The following TFR2 variants were observed in gnomAD, a reference collection of about 807,000 sequenced individuals.
The protein encoded by TFR2 is transferrin receptor 2.
Under a neutral mutation model 91.9 loss-of-function variants are expected in TFR2, and 64 were observed. The observed-to-expected ratio is 0.70, with a 90% CI of 0.57 to 0.86. TFR2 has a LOEUF of 0.86. Among genes scored for constraint, TFR2 ranks in the 40% least tolerant of loss-of-function variants. The pLI is 0.00. For missense variants in TFR2, 950 were observed against 1,080.5 expected, an observed-to-expected ratio of 0.88 and a Z score of 1.69; for synonymous variants, 454 against 459.6, an observed-to-expected ratio of 0.99 and a Z score of 0.15.
intron 3 of TFR2, 22 bp downstream of exon 3, chr7:100,640,664 G>T (rs770880525): frequency 2.5e-6 from 4 of 1,609,400 alleles, no homozygotes; most frequent in Non-Finnish European, 3.4e-6. Flanking sequence ...TCGAGAACAG[G>T]ATGGGGCAGG....
rs775699529 is a variant in TFR2, at chr7:100,640,882, G to A, written c.287-10C>T. 6.2e-7 allele frequency: 1 copy of A among 1,613,970 alleles called. No individual in the cohort carries two copies. The highest frequency in any genetic ancestry group is 1.1e-5 in the South Asian group (1 of 91,068). ...TAGCCCAGTAGGAAGGCTGGCGGGT[G>A]GCAAGATGGGGATTCTCTTTATGCC... On this transcript the variant is annotated splice_polypyrimidine_tract_variant and intron_variant, in intron 2 of 17. Transcript: ENST00000223051.
chr7:100,627,658 G>T lies in TFR2; in HGVS notation c.1686C>A (p.Ile562=), dbSNP rs2131312496. 1 of 1,614,130 alleles carries T rather than the reference G, an allele frequency of 6.2e-7. No homozygotes were observed. Among genetic ancestry groups the T allele is most frequent in the South Asian group, 1.1e-5 (1 of 91,084 alleles). The change falls in exon 15 of 18, where the codon ATC becomes ATA. Residue 562 remains isoleucine (I), a synonymous_variant. Coordinates refer to ENST00000223051, the MANE Select transcript of TFR2 (RefSeq NM_003227.4). ...CACTGCTGTCCATGGGTAGGGGCCG[G>T]ATCCTGGGGGCAGGTGGGTTGGAGC... ...FTNPSWDAEV[I]RPLPMDSSAY...
chr7:100,626,656 T>G, intron 17 of TFR2, 107 bp downstream of exon 17: 1 of 1,503,882 alleles, frequency 6.6e-7, no homozygotes, highest in Middle Eastern at 2.4e-4. Flanking sequence ...ACCGGGACTG[T>G]GTAGGCGGGG....
chr7:100,626,380 A>T, intron 17 of TFR2: 1 of 887,408 alleles, frequency 1.1e-6, no homozygotes, highest in African/African-American at 1.8e-5. Flanking sequence ...TGCACTTCCC[A>T]GCCTGTAACC....
rs142149120 is a variant in TFR2 at position 100,632,173 on chromosome 7, G to A, written c.875C>T (p.Ala292Val). The A allele has an allele frequency of 4.3e-6, 7 of 1,613,968 alleles. No individual in the cohort carries two copies. Among genetic ancestry groups the A allele is most frequent in the Non-Finnish European group, 5.1e-6 (6 of 1,180,012 alleles). Residue 292 changes from alanine (A) to valine (V), a missense_variant, in exon 7 of 18, where the codon GCT becomes GTT. By Grantham distance (64) the Ala-to-Val change is moderately conservative (BLOSUM62 0). Coordinates refer to ENST00000223051, the MANE Select transcript of TFR2 (RefSeq NM_003227.4). ...QKVTNAQDFG[A>V]QGVLIYPEPA... ...CTCTGGGTATATGAGCACTCCTTGA[G>A]CCCCGAAGTCCTGAGCATTGGTCAC...
intron 3 of TFR2, 141 bp from the exon 4 acceptor site, chr7:100,633,697 GCTTT>G (rs1803516961): frequency 2.1e-5 from 18 of 859,584 alleles, no homozygotes; most frequent in South Asian, 5.7e-5. Context: ...CCCCGCGGAC[GCTTT>G]TTTTTTTTTT....
intron 17 of TFR2, among the ~76,000 whole-genome samples, chr7:100,625,063 T>C (rs1247157073): frequency 1.4e-5 from 2 of 146,850 alleles, no homozygotes; most frequent in South Asian, 4.3e-4. Flanking sequence ...CTTTTTCTTT[T>C]TTTTTTTTTT....
Position 100,627,746 on chromosome 7 carries a change from C to T in TFR2, c.1680G>A (p.Glu560=). ...CTCTCCCTACCCCCCCAACTTACAC[C>T]TCAGCATCCCAGCTGGGATTGGTGA... The part of the protein sequence containing the change: ...VVFTNPSWDA[E]VIRPLPMDSS... Residue 560 remains glutamate (E), a splice_region_variant and synonymous_variant, in exon 14 of 18, where the codon GAG becomes GAA. Coordinates refer to ENST00000223051, the MANE Select transcript of TFR2 (RefSeq NM_003227.4). 1 of 1,614,010 alleles carries T rather than the reference C, an allele frequency of 6.2e-7. No homozygotes were observed. Among genetic ancestry groups the T allele is most frequent in the South Asian group, 1.1e-5 (1 of 91,080 alleles).
intron 7 of TFR2, 31 bp from the exon 8 acceptor site, chr7:100,631,976 G>A: frequency 6.2e-7 from 1 of 1,614,092 alleles, no homozygotes; most frequent in Non-Finnish European, 8.5e-7. Flanking sequence ...ACGCAAAGCT[G>A]CGAGCTGGGC....
chr7:100,640,981 G>T lies in TFR2; in HGVS notation c.281C>A (p.Thr94Asn), dbSNP rs569011136. Reference protein sequence around the residue: ...YLVLTALLIFTGAFLLGYVAF... With the variant: ...YLVLTALLIFNGAFLLGYVAF... ...GGGAGGGGGACGGCTCTCACCCCCA[G>T]TGAAGATCAGCAGGGCCGTCAGGAC... The change falls in exon 2 of 18, where the codon ACT becomes AAT. Residue 94 changes from threonine to asparagine, a missense_variant. By Grantham distance (65) the Thr-to-Asn change is moderately conservative (BLOSUM62 0). Transcript: ENST00000223051. The T allele has an allele frequency of 3.1e-6, 5 of 1,610,114 alleles. No individual in the cohort carries two copies. Among genetic ancestry groups the T allele is most frequent in the Middle Eastern group, 1.7e-4 (1 of 6,050 alleles).
chr7:100,625,480 T>A (rs2131309255), intron 17 of TFR2, among the ~76,000 whole-genome samples: 1 of 152,304 alleles, frequency 6.6e-6, no homozygotes, highest in Non-Finnish European at 1.5e-5. Context: ...AACCAAGATC[T>A]GTGAATGAGA....
intron 9 of TFR2, among the ~76,000 whole-genome samples, chr7:100,630,405 C>T (rs1178351492): frequency 2.6e-5 from 4 of 152,048 alleles, no homozygotes; most frequent in African/African-American, 9.7e-5. Context: ...TTCTCCTGTC[C>T]GAGCCTCCGG....
At chr7:100,641,437 G>C in intron 1 of TFR2, 40 bp downstream of exon 1, 1 of 1,612,790 alleles carries the variant, frequency 6.2e-7, no homozygotes. Context: ...GGGACTTAGA[G>C]AGAAGGCCTA....
Position 100,641,478 on chromosome 7 carries a change from G to A in TFR2, c.32C>T (p.Ala11Val), listed in dbSNP as rs913078544. 1.9e-6 allele frequency: 3 copies of A among 1,613,854 alleles called. No homozygotes were observed. Among genetic ancestry groups the A allele is most frequent in the South Asian group, 1.1e-5 (1 of 91,046 alleles). Residue 11 changes from alanine (A) to valine (V), a missense_variant and splice_region_variant, in exon 1 of 18, where the codon GCG (alanine) becomes GTG (valine). Ala to Val is a moderately conservative substitution (Grantham distance 64, BLOSUM62 0). Transcript: ENST00000223051. The stretch of plus-strand genomic sequence containing the variant: ...TCTTCCCAATCCCACTAGTCTTACC[G>A]CTCTCTGGAATAGACCCCAAAGCCG... MERLWGLFQRAQQLSPRSSQT... is the reference protein window; with the variant it reads MERLWGLFQRVQQLSPRSSQT...
chr7:100,640,855 C>T lies in TFR2; in HGVS notation c.304G>A (p.Val102Ile), dbSNP rs748441879. 29 of 1,613,986 alleles carry T rather than the reference C, an allele frequency of 1.8e-5. No individual in the cohort carries two copies. Among genetic ancestry groups the T allele is most frequent in the South Asian group, 8.8e-5 (8 of 91,088 alleles). ...IFTGAFLLGY[V>I]AFRGSCQACG... ...GCCTGGCAGGACCCTCGGAAGGCGA[C>T]GTAGCCCAGTAGGAAGGCTGGCGGG... Residue 102 changes from valine to isoleucine, a missense_variant, in exon 3 of 18, where the codon GTC (valine) becomes ATC (isoleucine). Transcript: ENST00000223051.
intron 15 of TFR2, 28 bp from the exon 16 acceptor site, chr7:100,627,519 G>A (rs560440185): frequency 1.2e-5 from 19 of 1,613,720 alleles, no homozygotes; most frequent in Admixed American, 3.3e-5. Flanking sequence ...ACGCTGGGGC[G>A]GAGGCAGACA....
intron 17 of TFR2, among the ~76,000 whole-genome samples, chr7:100,624,511 A>G (rs1423808032): frequency 6.7e-6 from 1 of 149,512 alleles, no homozygotes; most frequent in Non-Finnish European, 1.5e-5. Context: ...CGTTGCTGCT[A>G]TTACACAAAA....
At chr7:100,636,320 C>T (rs925627492) in intron 3 of TFR2, among the ~76,000 whole-genome samples, 9 of 151,894 alleles carry the variant, frequency 5.9e-5, no homozygotes, top group African/African-American at 2.2e-4. Flanking sequence ...GGATTACAGG[C>T]ATGCACCATC....
chr7:100,633,279 G>T lies in TFR2; in HGVS notation c.676C>A (p.Leu226Met). The change falls in exon 5 of 18, where the codon CTG becomes ATG. Residue 226 changes from leucine to methionine, a missense_variant. By Grantham distance (15) the Leu-to-Met change is conservative. Transcript: ENST00000223051. ...GGGCAGTAGACGTCAGGGTCCTCCAGCGGCAGCTGCTCTCCGACCTTCCCG... is the reference window on the plus strand; with the variant it reads ...GGGCAGTAGACGTCAGGGTCCTCCATCGGCAGCTGCTCTCCGACCTTCCCG... ...EAGKVGEQLP[L>M]EDPDVYCPYS... 6.2e-7 allele frequency: 1 copy of T among 1,613,828 alleles called. No homozygotes were observed. The highest frequency in any genetic ancestry group is 1.1e-5 in the South Asian group (1 of 91,084).
Sources: gnomAD v4.1 joint callset for allele counts (sites outside exome capture counted in the v4.1 genomes callset) on GRCh38, gnomAD v4.1.1 for gene constraint, MANE v1.5 for transcripts, NCBI Gene and HGNC (gene_info 2026-07-23, HGNC 2026-07-21) for gene names.